The following HMGN5 variants were observed in gnomAD, a reference collection of about 807,000 sequenced individuals.
HMGN5 encodes the protein high mobility group nucleosome binding domain 5.
A neutral mutation model predicts 9.5 loss-of-function variants in HMGN5; 4 were observed. The observed-to-expected ratio is 0.42, with a 90% confidence interval of 0.21 to 0.96. The LOEUF is 0.96. HMGN5 is among the 40% of genes least tolerant of loss of function. HMGN5 has a pLI of 0.30. For missense variants in HMGN5, 192 were observed against 187.5 expected, an observed-to-expected ratio of 1.02 and a Z score of -0.14; for synonymous variants, 55 against 57.1, an observed-to-expected ratio of 0.96 and a Z score of 0.16.
intron 1 of HMGN5, among the ~76,000 whole-genome samples, chrX:81,161,183 TC>T (rs1282056711): frequency 4.5e-5 from 5 of 110,674 alleles, no homozygotes; most frequent in African/African-American, 6.7e-5. Flanking sequence ...GATCTGATGT[TC>T]CAAGTTGTGA....
intron 1 of HMGN5, among the ~76,000 whole-genome samples, chrX:81,176,614 C>A (rs747422248): frequency 2.7e-5 from 3 of 111,591 alleles, no homozygotes; most frequent in Non-Finnish European, 1.9e-5. Flanking sequence ...AGCTGCAAAC[C>A]ATGGCATGAG....
intron 1 of HMGN5, among the ~76,000 whole-genome samples, chrX:81,123,525 T>TTTAATATAAA (rs1485849909): frequency 3.4e-4 from 38 of 111,975 alleles, no homozygotes. Flanking sequence ...GCATAAAAAT[T>TTTAATATAAA]GATTTTAATA....
chrX:81,117,286 G>T (rs1172100696), intron 5 of HMGN5, among the ~76,000 whole-genome samples: 9 of 94,944 alleles, frequency 9.5e-5, no homozygotes, highest in African/African-American at 3.5e-4. Context: ...TTGAGACAGG[G>T]ACTCCCTCTG....
intron 1 of HMGN5, among the ~76,000 whole-genome samples, chrX:81,135,942 A>G (rs1473920411): frequency 2.7e-5 from 3 of 110,896 alleles, no homozygotes; most frequent in Non-Finnish European, 5.7e-5. Context: ...TCCTGCAAAA[A>G]CAGGTTGTGT....
At chrX:81,144,314 C>T (rs771437945) in intron 1 of HMGN5, among the ~76,000 whole-genome samples, 27 of 111,680 alleles carry the variant, frequency 2.4e-4, no homozygotes, top group African/African-American at 7.8e-4. Context: ...AGGCAGCAAT[C>T]TTTGCTGTTC....
In HMGN5 at chrX:81,154,757, A is replaced by G. The variant is rs969096824; in HGVS notation, c.-123-33085T>C. Among the ~76,000 whole-genome samples, 4 of 111,202 alleles carry G rather than the reference A, an allele frequency of 3.6e-5. 1 individual carries two copies. Among genetic ancestry groups the G allele is most frequent in the African/African-American group, 1.3e-4 (4 of 30,567 alleles). On this transcript the variant is annotated intron_variant, in intron 1 of 6. Coordinates refer to ENST00000358130, the MANE Select transcript of HMGN5 (RefSeq NM_030763.3). ...GGAGACGTACAAATGGCAAACAGGC[A>G]TATGAAAAGGTGCTCAACATCATTG...
chrX:81,141,214 T>G (rs908569631), intron 1 of HMGN5, among the ~76,000 whole-genome samples: 1 of 111,814 alleles, frequency 8.9e-6, no homozygotes, highest in Admixed American at 9.4e-5. Context: ...CACCTCTGGA[T>G]TCACCCAGTG....
At chrX:81,197,110 A>G (rs1414115182) in intron 1 of HMGN5, among the ~76,000 whole-genome samples, 7 of 112,609 alleles carry the variant, frequency 6.2e-5, no homozygotes, top group Non-Finnish European at 1.3e-4. Context: ...AAATGTACTT[A>G]TAATCCCACT....
rs746806286 is a variant in HMGN5 at position 81,141,873 on chromosome X, A to G, written c.-123-20201T>C. Reference sequence around the variant, plus strand: ...GAACTAAATAAGGAATCAGGGACCAATCCTGGAGAAACATATCTATATGTG... The same window carrying G: ...GAACTAAATAAGGAATCAGGGACCAGTCCTGGAGAAACATATCTATATGTG... On this transcript the variant is annotated intron_variant, in intron 1 of 6. Coordinates refer to ENST00000358130, the MANE Select transcript of HMGN5 (RefSeq NM_030763.3). 7.1e-5 allele frequency among the ~76,000 whole-genome samples: 8 copies of G among 112,170 alleles called. No homozygotes were observed. The South Asian group carries it at 3.0e-3, about 42-fold the overall frequency.
intron 1 of HMGN5, among the ~76,000 whole-genome samples, chrX:81,156,880 G>A (rs908496753): frequency 9.0e-6 from 1 of 110,918 alleles, no homozygotes. Flanking sequence ...TAACCTGTGG[G>A]CACTGATACT....
intron 1 of HMGN5, among the ~76,000 whole-genome samples, chrX:81,170,750 T>C (rs2075424109): frequency 9.0e-6 from 1 of 111,518 alleles, no homozygotes; most frequent in Non-Finnish European, 1.9e-5. Flanking sequence ...CTATTATCAT[T>C]AGTAATGATA....
intron 5 of HMGN5, 119 bp from the exon 6 acceptor site, chrX:81,116,460 C>T (rs1446486719): frequency 2.2e-6 from 1 of 446,128 alleles, no homozygotes; most frequent in South Asian, 5.0e-5. Context: ...TAAAGTATCA[C>T]ATATAAATCT....
intron 1 of HMGN5, among the ~76,000 whole-genome samples, chrX:81,181,381 A>G (rs778912653): frequency 2.7e-5 from 3 of 111,605 alleles, no homozygotes; most frequent in Non-Finnish European, 3.8e-5. Flanking sequence ...TGATACAGAC[A>G]TGCAATGCAT....
chrX:81,145,927 G>C (rs765763601), intron 1 of HMGN5, among the ~76,000 whole-genome samples: 5 of 111,179 alleles, frequency 4.5e-5, no homozygotes, highest in Non-Finnish European at 9.4e-5. Flanking sequence ...AGTGGTAAAG[G>C]GATAAATGCA....
chrX:81,128,057 T>C lies in HMGN5; in HGVS notation c.-123-6385A>G, dbSNP rs776080912. Among the ~76,000 whole-genome samples the C allele has an allele frequency of 1.8e-4, 20 of 111,379 alleles. No homozygotes were observed. In the East Asian group the frequency reaches 5.4e-3, roughly 30 times the overall value. On this transcript the variant is annotated intron_variant, in intron 1 of 6. Coordinates refer to ENST00000358130, the MANE Select transcript of HMGN5 (RefSeq NM_030763.3). ...GGCATCATATATATGTGTGTGTGTGTGTCTGTCTGTGTGTGTGTGTTCTTA... is the reference window on the plus strand; with the variant it reads ...GGCATCATATATATGTGTGTGTGTGCGTCTGTCTGTGTGTGTGTGTTCTTA...
chrX:81,163,588 C>G (rs921754303), intron 1 of HMGN5, among the ~76,000 whole-genome samples: 11 of 111,778 alleles, frequency 9.8e-5, no homozygotes, highest in African/African-American at 3.6e-4. Context: ...ACTGCTGGAA[C>G]TGGGAGTTTG....
chrX:81,139,525 G>C (rs969156720), intron 1 of HMGN5, among the ~76,000 whole-genome samples: 1 of 110,942 alleles, frequency 9.0e-6, no homozygotes, highest in Admixed American at 9.6e-5. Flanking sequence ...ATCTTCATAA[G>C]AAGCAAAAAT....
chrX:81,157,881 G>A (rs1449270855), intron 1 of HMGN5, among the ~76,000 whole-genome samples: 7 of 110,117 alleles, frequency 6.4e-5, no homozygotes, highest in African/African-American at 2.3e-4. Context: ...CTGGGTTCAC[G>A]CCATTCTCCT....
intron 1 of HMGN5, among the ~76,000 whole-genome samples, chrX:81,137,704 G>A (rs1218231902): frequency 1.8e-5 from 2 of 111,406 alleles, no homozygotes; most frequent in African/African-American, 6.5e-5. Context: ...TACAGAGAAA[G>A]GGAGAAATCA....
Sources: allele counts gnomAD v4.1 joint callset (sites outside exome capture counted in the v4.1 genomes callset), GRCh38; gene constraint gnomAD v4.1.1; transcripts MANE v1.5; gene names NCBI Gene and HGNC (gene_info 2026-07-23, HGNC 2026-07-21).